Variants in CHST11 observed in about 807,000 individuals in gnomAD.
CHST11 encodes the protein C4S-1.
Under a neutral mutation model 30.4 loss-of-function variants are expected in CHST11, and 9 were observed. The observed-to-expected ratio is 0.30, with a 90% CI of 0.18 to 0.52. The LOEUF is 0.52. Among genes scored for constraint, CHST11 ranks in the 20% least tolerant of loss-of-function variants. The pLI is 0.97. For synonymous variants in CHST11, 152 were observed against 187.8 expected (o/e 0.81, Z 1.56); for missense variants, 348 against 460.6 (o/e 0.76, Z 2.24).
At chr12:104,664,740 GATTT>G (rs2039628059) in intron 2 of CHST11, among the ~76,000 whole-genome samples, 2 of 152,292 alleles carry the variant, frequency 1.3e-5, no homozygotes, top group South Asian at 4.1e-4. Flanking sequence ...GACTACCATA[GATTT>G]ATAAGGAAAT....
intron 1 of CHST11, among the ~76,000 whole-genome samples, chr12:104,569,522 A>G (rs537279792): frequency 2.6e-5 from 4 of 152,220 alleles, no homozygotes; most frequent in Non-Finnish European, 4.4e-5. Flanking sequence ...TTGCATCTTC[A>G]TCACACAGAG....
chr12:104,513,128 G>GGGGC (rs2037984106), intron 1 of CHST11, among the ~76,000 whole-genome samples: 2 of 82,124 alleles, frequency 2.4e-5, no homozygotes, highest in African/African-American at 5.3e-5. Flanking sequence ...ATGACTGGGG[G>GGGGC]GGGGGGGGGT....
chr12:104,498,628 T>G (rs1336215196), intron 1 of CHST11, among the ~76,000 whole-genome samples: 1 of 152,200 alleles, frequency 6.6e-6, no homozygotes, highest in Non-Finnish European at 1.5e-5. Flanking sequence ...AACGTCCCTA[T>G]AGGACCTTTT....
chr12:104,599,884 A>T (rs2038942661), intron 1 of CHST11, among the ~76,000 whole-genome samples: 1 of 152,242 alleles, frequency 6.6e-6, no homozygotes, highest in Admixed American at 6.5e-5. Context: ...ATTTTCTGAC[A>T]CATGAAAATT....
intron 1 of CHST11, among the ~76,000 whole-genome samples, chr12:104,578,586 T>C (rs988779411): frequency 6.6e-6 from 1 of 152,142 alleles, no homozygotes; most frequent in Admixed American, 6.5e-5. Context: ...AAGTGGAGAA[T>C]TGAGTCATCG....
chr12:104,583,605 AC>A (rs1176514578), intron 1 of CHST11, among the ~76,000 whole-genome samples: 1 of 151,806 alleles, frequency 6.6e-6, no homozygotes, highest in Non-Finnish European at 1.5e-5. Flanking sequence ...TATCTCCCTT[AC>A]CCCTTCAGCA....
chr12:104,654,880 C>A (rs1167845415), intron 2 of CHST11, among the ~76,000 whole-genome samples: 1 of 152,048 alleles, frequency 6.6e-6, no homozygotes, highest in African/African-American at 2.4e-5. Flanking sequence ...CAGGCCGCTA[C>A]CCCCTCCCCC....
At chr12:104,712,138 C>T (rs184148185) in intron 2 of CHST11, among the ~76,000 whole-genome samples, 49 of 152,218 alleles carry the variant, frequency 3.2e-4, no homozygotes, top group South Asian at 8.3e-4. Context: ...GCAGAAGGCG[C>T]GGGGTGAGCA....
chr12:104,619,048 G>T (rs1377161683), intron 2 of CHST11, among the ~76,000 whole-genome samples: 1 of 152,242 alleles, frequency 6.6e-6, no homozygotes, highest in Non-Finnish European at 1.5e-5. Flanking sequence ...CAGATGGGTG[G>T]TCAGCTGGAA....
At chr12:104,535,351 G>A (rs1486288517) in intron 1 of CHST11, among the ~76,000 whole-genome samples, 3 of 152,182 alleles carry the variant, frequency 2.0e-5, no homozygotes, top group Non-Finnish European at 2.9e-5. Flanking sequence ...ACCTTTCAGC[G>A]GAGTGTCTGT....
chr12:104,549,425 A>C (rs972210952), intron 1 of CHST11, among the ~76,000 whole-genome samples: 1 of 152,210 alleles, frequency 6.6e-6, no homozygotes, highest in African/African-American at 2.4e-5. Context: ...AACTGTTCTA[A>C]GGGATATTTC....
At chr12:104,673,512 T>C (rs1400215114) in intron 2 of CHST11, among the ~76,000 whole-genome samples, 3 of 152,226 alleles carry the variant, frequency 2.0e-5, no homozygotes, top group Non-Finnish European at 2.9e-5. Context: ...TACCTACCCA[T>C]AGGTTTGTTA....
intron 2 of CHST11, among the ~76,000 whole-genome samples, chr12:104,679,280 A>G (rs1403345711): frequency 6.6e-6 from 1 of 152,020 alleles, no homozygotes; most frequent in East Asian, 1.9e-4. Flanking sequence ...GGACTTCAGG[A>G]CCCCAAATGC....
chr12:104,563,236 G>T (rs1053515768), intron 1 of CHST11, among the ~76,000 whole-genome samples: 3 of 152,028 alleles, frequency 2.0e-5, no homozygotes, highest in African/African-American at 7.2e-5. Context: ...AGATGGTTTT[G>T]CCTGTTGGCC....
chr12:104,514,765 C>A (rs548805992), intron 1 of CHST11, among the ~76,000 whole-genome samples: 1 of 152,180 alleles, frequency 6.6e-6, no homozygotes, highest in East Asian at 1.9e-4. Context: ...AGCGACAAGT[C>A]ACTCGTTACC....
chr12:104,466,018 C>T (rs1275901183), intron 1 of CHST11, among the ~76,000 whole-genome samples: 1 of 151,970 alleles, frequency 6.6e-6, no homozygotes, highest in East Asian at 1.9e-4. Flanking sequence ...CGCCATCACG[C>T]CCAGCCAATT....
rs768446309 is a variant in CHST11, at chr12:104,520,271, C to G, written c.118+62742C>G. Among the ~76,000 whole-genome samples the G allele has an allele frequency of 2.0e-5, 3 of 152,294 alleles. No homozygotes were observed. In the East Asian group the frequency reaches 5.8e-4, roughly 29 times the overall value. ...AATGGCACCTGCTCTGCTCATCTCTCAGGATCTTACATGCCACATAAGCTA... is the reference window on the plus strand; with the variant it reads ...AATGGCACCTGCTCTGCTCATCTCTGAGGATCTTACATGCCACATAAGCTA... On this transcript the variant is annotated intron_variant, in intron 1 of 2. Transcript: ENST00000303694.
At chr12:104,711,958 G>A (rs117654718) in intron 2 of CHST11, among the ~76,000 whole-genome samples, 2,113 of 152,256 alleles carry the variant, frequency 0.014, 19 homozygotes, top group Non-Finnish European at 0.023. Context: ...GACGGGACAG[G>A]CAGCACCTGA....
chr12:104,556,161 C>T (rs141163008), intron 1 of CHST11, among the ~76,000 whole-genome samples: 118 of 152,242 alleles, frequency 7.8e-4, no homozygotes, highest in Non-Finnish European at 1.6e-3. Context: ...TTTTTTTATT[C>T]TGTATAAGTT....
Sources: allele counts gnomAD v4.1 joint callset (sites outside exome capture counted in the v4.1 genomes callset), GRCh38; gene constraint gnomAD v4.1.1; transcripts MANE v1.5; gene names NCBI Gene and HGNC (gene_info 2026-07-23, HGNC 2026-07-21).